Variants in FKBP15 observed in about 807,000 individuals in gnomAD.
FKBP15 encodes FKBP prolyl isomerase family member 15, also known as FK506-binding protein 15.
In FKBP15, 106 loss-of-function variants were observed where a neutral mutation model predicts 158.1. The observed-to-expected ratio is 0.67, with a 90% CI of 0.57 to 0.79. The LOEUF is 0.79. Among genes scored for constraint, FKBP15 ranks in the 30% least tolerant of loss-of-function variants. The pLI is 0.00. For synonymous variants in FKBP15, 547 were observed against 548.6 expected (o/e 1.00, Z 0.04); for missense variants, 1,287 against 1,479.1 (o/e 0.87, Z 2.13).
Position 113,178,520 on chromosome 9 carries a change from T to G in FKBP15, c.2086+110A>C, listed in dbSNP as rs545057011. The G allele has an allele frequency of 1.7e-5, 19 of 1,128,630 alleles. No homozygotes were observed. In the African/African-American group the frequency reaches 2.8e-4, roughly 17 times the overall value. The allele number at this position is 1,128,630 out of a possible 1,614,324, so 69.9% of individuals were successfully genotyped here. On this transcript the variant is annotated intron_variant, in intron 20 of 27. Coordinates refer to ENST00000238256, the MANE Select transcript of FKBP15 (RefSeq NM_015258.2). The stretch of plus-strand genomic sequence containing the variant: ...TAGTCTCCTTTAATTTTTGGTGTAG[T>G]CCTTCAAAAACTTCATGAGCATCAT...
rs531999430 is a variant in FKBP15 at position 113,163,042 on chromosome 9, T to C, written c.*3036A>G. ...CACCTTATTCCCAGCCCCTGGAAACTTTGAGCTGAAGCCAGCACTTGCTCC... is the reference window on the plus strand; with the variant it reads ...CACCTTATTCCCAGCCCCTGGAAACCTTGAGCTGAAGCCAGCACTTGCTCC... On this transcript the variant is annotated 3_prime_UTR_variant, in exon 28 of 28. Transcript: ENST00000238256. The C allele has an allele frequency of 6.1e-6, 6 of 980,356 alleles. No individual in the cohort carries two copies. In the African/African-American group the frequency reaches 1.0e-4, roughly 16 times the overall value. The allele number at this position is 980,356 out of a possible 1,614,324, so 60.7% of individuals were successfully genotyped here.
chr9:113,209,700 G>A (rs1402060751), intron 2 of FKBP15, among the ~76,000 whole-genome samples: 1 of 152,168 alleles, frequency 6.6e-6, no homozygotes, highest in Non-Finnish European at 1.5e-5. Context: ...GCATGATAAG[G>A]AAGGAAGTCT....
At position 113,171,597 on chromosome 9, in the gene FKBP15, G is replaced by C. The variant is rs1830210113; in HGVS notation, c.2642C>G (p.Ser881Cys). The change falls in exon 24 of 28, where the codon TCT becomes TGT. Residue 881 changes from serine to cysteine, a missense_variant. Transcript: ENST00000238256. The part of the protein sequence containing the change: ...SQMSGVEAAA[S>C]DPSEKVKKIM... Reference sequence around the variant, plus strand: ...CCAGCTCACCTTCTCTGAGGGGTCAGATGCAGCAGCTTCAACCCCAGACAT... The same window carrying C: ...CCAGCTCACCTTCTCTGAGGGGTCACATGCAGCAGCTTCAACCCCAGACAT... The C allele has an allele frequency of 6.2e-7, 1 of 1,607,782 alleles. No homozygotes were observed. Among genetic ancestry groups the C allele is most frequent in the African/African-American group, 1.3e-5 (1 of 75,002 alleles).
intron 25 of FKBP15, 44 bp downstream of exon 25, chr9:113,170,478 A>T: frequency 7.3e-7 from 1 of 1,375,092 alleles, no homozygotes; most frequent in South Asian, 1.2e-5. Flanking sequence ...TTAAGCAACA[A>T]AATGCCCAAT....
chr9:113,185,332 T>C (rs1048468709), intron 15 of FKBP15, among the ~76,000 whole-genome samples: 4 of 152,084 alleles, frequency 2.6e-5, no homozygotes, highest in African/African-American at 7.2e-5. Context: ...TACACAGTTG[T>C]GTTTGTGGGA....
intron 11 of FKBP15, among the ~76,000 whole-genome samples, chr9:113,191,975 G>A (rs1332611664): frequency 6.6e-6 from 1 of 150,458 alleles, no homozygotes; most frequent in African/African-American, 2.4e-5. Flanking sequence ...AAAAGAAAAA[G>A]AAAGGTGGTT....
intron 11 of FKBP15, among the ~76,000 whole-genome samples, chr9:113,191,631 T>TTA (rs947402793): frequency 9.6e-4 from 141 of 147,506 alleles, no homozygotes; most frequent in South Asian, 4.6e-3. Flanking sequence ...AGATTCTGCA[T>TTA]TATATATATA....
chr9:113,169,715 G>C lies in FKBP15; in HGVS notation c.2994C>G (p.Ala998=), dbSNP rs1264015750. The C allele has an allele frequency of 6.2e-7, 1 of 1,613,760 alleles. No homozygotes were observed. Among genetic ancestry groups the C allele is most frequent in the Non-Finnish European group, 8.5e-7 (1 of 1,179,804 alleles). The stretch of plus-strand genomic sequence containing the variant: ...TGTGTCCATCCTGGGAAGTGGTGAG[G>C]GCCTGAGGAGGCAACGGGACAGCTT... ...VEEAVPLPPQ[A]LTTSQDGHRR... is the part of the protein sequence containing the mutation. The change falls in exon 26 of 28, where the codon GCC becomes GCG. Residue 998 remains alanine (A), a synonymous_variant. Coordinates refer to ENST00000238256, the MANE Select transcript of FKBP15 (RefSeq NM_015258.2).
intron 15 of FKBP15, 81 bp downstream of exon 15, chr9:113,186,168 G>C (rs1564164204): frequency 1.1e-6 from 1 of 906,986 alleles, no homozygotes; most frequent in African/African-American, 1.6e-5. Flanking sequence ...GAGAGCTGTT[G>C]GTGTGAAAAT....
In FKBP15 at chr9:113,186,233, G is replaced by C; in HGVS notation, c.1498+16C>G. On this transcript the variant is annotated intron_variant, in intron 15 of 27. Transcript: ENST00000238256. ...GCAAGAGCGGAAGATGAGAAACTGA[G>C]GGAATTACTCCCTACCTTGGAAATG... 1 of 1,532,836 alleles carries C rather than the reference G, an allele frequency of 6.5e-7. No homozygotes were observed. Among genetic ancestry groups the C allele is most frequent in the Non-Finnish European group, 8.9e-7 (1 of 1,129,114 alleles). The allele number at this position is 1,532,836 out of a possible 1,614,324, so 95.0% of individuals were successfully genotyped here.
intron 1 of FKBP15, among the ~76,000 whole-genome samples, chr9:113,213,364 A>G (rs4129397): frequency 0.49 from 73,460 of 151,128 alleles, 18,345 homozygotes; most frequent in African/African-American, 0.59. Flanking sequence ...AGCTGAGATC[A>G]CGCCACTGCA....
chr9:113,217,383 T>C (rs903558143), intron 1 of FKBP15, among the ~76,000 whole-genome samples: 1 of 151,362 alleles, frequency 6.6e-6, no homozygotes, highest in African/African-American at 2.4e-5. Flanking sequence ...CAGTTAATTT[T>C]TGTATGTTTG....
Position 113,162,411 on chromosome 9 carries a change from C to T in FKBP15, c.*3667G>A, listed in dbSNP as rs1233555763. 4 of 223,406 alleles carry T rather than the reference C, an allele frequency of 1.8e-5. No homozygotes were observed. Among genetic ancestry groups the T allele is most frequent in the African/African-American group, 4.7e-5 (2 of 42,706 alleles). 13.8% of individuals were successfully genotyped at this position (223,406 alleles called of 1,614,324 possible). On this transcript the variant is annotated 3_prime_UTR_variant, in exon 28 of 28. Transcript: ENST00000238256. ...TTCTTTCCATTGTCATACTGCCTCC[C>T]GAAGTAGATTCAGGGGGGAAATATG...
In FKBP15 at chr9:113,183,834, T is replaced by A; in HGVS notation, c.1728A>T (p.Arg576Ser). The A allele has an allele frequency of 1.2e-6, 2 of 1,612,124 alleles. No homozygotes were observed. Among genetic ancestry groups the A allele is most frequent in the Non-Finnish European group, 1.7e-6 (2 of 1,178,528 alleles). ...NIQRIIQENERLKQEILEKSN... is the reference protein window; with the variant it reads ...NIQRIIQENESLKQEILEKSN... Reference sequence around the variant, plus strand: ...TCTTTTCAAGGATCTCTTGCTTCAATCTTTCATTTTCCTAATTTCAAAATA... The same window carrying A: ...TCTTTTCAAGGATCTCTTGCTTCAAACTTTCATTTTCCTAATTTCAAAATA... The change falls in exon 18 of 28, where the codon AGA becomes AGT. Residue 576 changes from arginine to serine, a missense_variant. Physicochemically the swap from Arg to Ser is moderately radical, Grantham distance 110 (BLOSUM62 -1). Transcript: ENST00000238256.
chr9:113,182,692 G>A (rs1564160982), intron 19 of FKBP15, 74 bp downstream of exon 19: 2 of 1,180,014 alleles, frequency 1.7e-6, no homozygotes, highest in Non-Finnish European at 2.5e-6. Flanking sequence ...AAGCCGACTG[G>A]TGAGTATGTA....
chr9:113,197,470 C>T (rs554044049), intron 8 of FKBP15, among the ~76,000 whole-genome samples: 17 of 152,228 alleles, frequency 1.1e-4, no homozygotes, highest in African/African-American at 1.9e-4. Context: ...GGGTTCGAGA[C>T]CAGCCTGGCC....
rs1476135813 is a variant in FKBP15, at chr9:113,188,439, T to C, written c.1226A>G (p.Gln409Arg). The change falls in exon 13 of 28, where the codon CAG (glutamine) becomes CGG (arginine). Residue 409 changes from glutamine (Q) to arginine (R), a missense_variant. By Grantham distance (43) the Gln-to-Arg change is conservative. Transcript: ENST00000238256. ...GGQPVVTPSV[Q>R]PSLHPAHPAL... ...TGGATGGGCCGGATGAAGAGAGGGC[T>C]GGACGGACGGAGTCACCACAGGCTG... 1 of 1,613,892 alleles carries C rather than the reference T, an allele frequency of 6.2e-7. No homozygotes were observed.
At chr9:113,171,241 C>T (rs1247269609) in intron 24 of FKBP15, among the ~76,000 whole-genome samples, 1 of 152,198 alleles carries the variant, frequency 6.6e-6, no homozygotes, top group Non-Finnish European at 1.5e-5. Context: ...TCCTGGCCAA[C>T]ATGGTGAAAC....
In FKBP15 at chr9:113,207,314, A is replaced by G; in HGVS notation, c.170-18T>C. The G allele has an allele frequency of 1.9e-6, 3 of 1,574,664 alleles. No homozygotes were observed. Among genetic ancestry groups the G allele is most frequent in the Non-Finnish European group, 2.6e-6 (3 of 1,162,416 alleles). On this transcript the variant is annotated intron_variant, in intron 2 of 27. Transcript: ENST00000238256. ...CTGATTTCCTGAAGATGAACAAGAA[A>G]ACAAAGTTGTCATTCACTTCTTGCT...
Sources: allele counts gnomAD v4.1 joint callset (sites outside exome capture counted in the v4.1 genomes callset), GRCh38; gene constraint gnomAD v4.1.1; transcripts MANE v1.5; gene names NCBI Gene and HGNC (gene_info 2026-07-23, HGNC 2026-07-21).